The following DLGAP2 variants were observed in gnomAD, a reference collection of about 807,000 sequenced individuals.
DLGAP2 encodes disks large-associated protein 2.
Under a neutral mutation model 100.3 loss-of-function variants are expected in DLGAP2, and 26 were observed. That is an observed-to-expected ratio of 0.26 (90% CI 0.19 to 0.36). DLGAP2 has a LOEUF of 0.36. Among genes scored for constraint, DLGAP2 ranks in the 10% least tolerant of loss-of-function variants. DLGAP2 has a pLI of 1.00. For missense variants in DLGAP2, 1,858 were observed against 1,453.2 expected (o/e 1.28, Z -4.53); for synonymous variants, 886 against 630.1 (o/e 1.41, Z -6.08).
At chr8:1,019,987 A>C (rs997467578) in intron 2 of DLGAP2, among the ~76,000 whole-genome samples, 2 of 152,230 alleles carry the variant, frequency 1.3e-5, no homozygotes, top group African/African-American at 4.8e-5. Context: ...ACTTTGGTTC[A>C]GTATTTTATT....
intron 3 of DLGAP2, among the ~76,000 whole-genome samples, chr8:1,476,961 C>T (rs570915439): frequency 7.2e-5 from 11 of 151,976 alleles, no homozygotes; most frequent in Non-Finnish European, 8.8e-5. Flanking sequence ...CCAAGTCAGA[C>T]GGACATTGTG....
At chr8:1,530,890 G>A (rs576814568) in intron 4 of DLGAP2, among the ~76,000 whole-genome samples, 1 of 152,308 alleles carries the variant, frequency 6.6e-6, no homozygotes, top group East Asian at 1.9e-4. Context: ...TGTTTCCTAT[G>A]TGTGAATATC....
chr8:1,539,758 T>C (rs1294123078), intron 4 of DLGAP2, among the ~76,000 whole-genome samples: 2 of 152,096 alleles, frequency 1.3e-5, no homozygotes, highest in South Asian at 4.1e-4. Flanking sequence ...CTGTGCTTGA[T>C]ATAGAAGACC....
intron 3 of DLGAP2, among the ~76,000 whole-genome samples, chr8:1,318,379 C>T (rs1000518955): frequency 6.6e-6 from 1 of 151,644 alleles, no homozygotes; most frequent in South Asian, 2.1e-4. Flanking sequence ...TATTGTATTT[C>T]TCCCACAGGG....
intron 2 of DLGAP2, among the ~76,000 whole-genome samples, chr8:1,226,034 T>G (rs894508857): frequency 1.2e-4 from 18 of 152,302 alleles, no homozygotes; most frequent in African/African-American, 4.1e-4. Context: ...ATATATGGTA[T>G]ATATGGAAGA....
At position 1,053,235 on chromosome 8, in the gene DLGAP2, G is replaced by C. The variant is rs543120540; in HGVS notation, c.73+145269G>C. ...GATTCGGAACCTTCTCTCTCCTGGTGACTGGCCAGTCTATTTGGGCAAATT... is the reference window on the plus strand; with the variant it reads ...GATTCGGAACCTTCTCTCTCCTGGTCACTGGCCAGTCTATTTGGGCAAATT... On this transcript the variant is annotated intron_variant, in intron 2 of 14. Coordinates refer to ENST00000637795, the MANE Select transcript of DLGAP2 (RefSeq NM_001346810.2). Among the ~76,000 whole-genome samples, 47 of 152,306 alleles carry C rather than the reference G, an allele frequency of 3.1e-4. 1 individual carries two copies. In the South Asian group the frequency reaches 9.1e-3, roughly 30 times the overall value.
intron 2 of DLGAP2, among the ~76,000 whole-genome samples, chr8:967,683 G>C (rs11992700): frequency 0.02 from 2,923 of 145,432 alleles, 110 homozygotes; most frequent in African/African-American, 0.07. Flanking sequence ...AAATACCTAT[G>C]TACATTTATT....
intron 3 of DLGAP2, among the ~76,000 whole-genome samples, chr8:1,424,230 A>C (rs544140581): frequency 6.6e-6 from 1 of 152,226 alleles, no homozygotes; most frequent in Non-Finnish European, 1.5e-5. Flanking sequence ...ATGGTTTGGC[A>C]TACGTAAGAA....
intron 2 of DLGAP2, among the ~76,000 whole-genome samples, chr8:1,130,298 T>C (rs1268702700): frequency 6.6e-6 from 1 of 152,236 alleles, no homozygotes; most frequent in African/African-American, 2.4e-5. Context: ...TTTAGTGTTC[T>C]GTTTTTTGGT....
chr8:1,017,954 T>C (rs957612736), intron 2 of DLGAP2, among the ~76,000 whole-genome samples: 3 of 152,194 alleles, frequency 2.0e-5, no homozygotes, highest in Non-Finnish European at 4.4e-5. Context: ...GGGGCCACTT[T>C]CCTAGTTGTG....
intron 2 of DLGAP2, among the ~76,000 whole-genome samples, chr8:978,927 C>G (rs1055259721): frequency 4.6e-5 from 7 of 152,184 alleles, no homozygotes; most frequent in Non-Finnish European, 8.8e-5. Context: ...ACTCCGTAAT[C>G]TTTCTCTGCT....
chr8:912,948 T>C (rs1798518864), intron 2 of DLGAP2, among the ~76,000 whole-genome samples: 1 of 152,124 alleles, frequency 6.6e-6, no homozygotes, highest in South Asian at 2.1e-4. Context: ...GTCTTTCCCC[T>C]CAGTAGCTGC....
intron 1 of DLGAP2, among the ~76,000 whole-genome samples, chr8:835,705 C>G (rs1796860613): frequency 6.6e-6 from 1 of 152,184 alleles, no homozygotes; most frequent in East Asian, 1.9e-4. Context: ...TTTCTCTGTG[C>G]TAGGCTGCGT....
At chr8:845,150 CAT>C (rs1403684997) in intron 1 of DLGAP2, among the ~76,000 whole-genome samples, 1 of 152,180 alleles carries the variant, frequency 6.6e-6, no homozygotes, top group Non-Finnish European at 1.5e-5. Context: ...TTTGCGTGAA[CAT>C]ATGTCTTTAT....
chr8:1,501,022 T>C (rs956129994), intron 3 of DLGAP2, among the ~76,000 whole-genome samples: 5 of 151,714 alleles, frequency 3.3e-5, no homozygotes, highest in African/African-American at 9.7e-5. Context: ...AAAATTAGAG[T>C]GGACTGATTT....
chr8:755,529 G>A (rs1406344644), intron 1 of DLGAP2, among the ~76,000 whole-genome samples: 5 of 152,226 alleles, frequency 3.3e-5, no homozygotes, highest in Non-Finnish European at 5.9e-5. Flanking sequence ...TTATAACTGA[G>A]CTCTGACTGT....
At chr8:808,056 G>C (rs1326536918) in intron 1 of DLGAP2, among the ~76,000 whole-genome samples, 3 of 152,194 alleles carry the variant, frequency 2.0e-5, no homozygotes, top group African/African-American at 7.2e-5. Flanking sequence ...GCTTCTGGTT[G>C]ATTTGGATAA....
chr8:1,031,444 C>T (rs199967694), intron 2 of DLGAP2, among the ~76,000 whole-genome samples: 4 of 152,062 alleles, frequency 2.6e-5, no homozygotes, highest in East Asian at 1.9e-4. Flanking sequence ...CAGGGCCTCA[C>T]TCTGTCACCC....
At chr8:1,201,707 T>G (rs1375295238) in intron 2 of DLGAP2, among the ~76,000 whole-genome samples, 3 of 152,200 alleles carry the variant, frequency 2.0e-5, no homozygotes, top group Non-Finnish European at 4.4e-5. Flanking sequence ...ATCCAGTGAA[T>G]GGAGCTTGAC....
Sources: allele counts gnomAD v4.1 joint callset (sites outside exome capture counted in the v4.1 genomes callset), GRCh38; gene constraint gnomAD v4.1.1; transcripts MANE v1.5; gene names NCBI Gene and HGNC (gene_info 2026-07-23, HGNC 2026-07-21).